DLG2: variants seen among roughly 807,000 people sequenced by gnomAD.
DLG2 encodes the protein disks large homolog 2.
In DLG2, 45 loss-of-function variants were observed where a neutral mutation model predicts 132.5. That is an observed-to-expected ratio of 0.34 (90% CI 0.27 to 0.44). DLG2 has a LOEUF of 0.44. Ranked by LOEUF, DLG2 falls within the 20% of genes least tolerant of loss-of-function variation. The pLI, the probability that DLG2 is intolerant of heterozygous loss-of-function variation, is 1.00. For synonymous variants in DLG2, 424 were observed against 419.6 expected (o/e 1.01, Z -0.13); for missense variants, 1,045 against 1,196.9 (o/e 0.87, Z 1.87).
intron 7 of DLG2, among the ~76,000 whole-genome samples, chr11:84,330,027 T>C (rs1428642067): frequency 6.6e-6 from 1 of 152,224 alleles, no homozygotes; most frequent in Admixed American, 6.5e-5. Flanking sequence ...TCTCATAGAA[T>C]TGTTGTGAAA....
chr11:84,758,248 G>GT (rs2067154915), intron 6 of DLG2, among the ~76,000 whole-genome samples: 1 of 152,206 alleles, frequency 6.6e-6, no homozygotes, highest in Non-Finnish European at 1.5e-5. Flanking sequence ...AAACAACCAT[G>GT]TAGAATTGTT....
intron 12 of DLG2, among the ~76,000 whole-genome samples, chr11:83,968,994 CATTT>C (rs1345912752): frequency 1.3e-5 from 2 of 152,074 alleles, no homozygotes; most frequent in African/African-American, 4.8e-5. Context: ...TAATAACTAA[CATTT>C]ATTTAATACT....
intron 9 of DLG2, among the ~76,000 whole-genome samples, chr11:84,153,624 G>T (rs1375969484): frequency 6.6e-6 from 1 of 152,070 alleles, no homozygotes; most frequent in Non-Finnish European, 1.5e-5. Flanking sequence ...CCTCAGCTTG[G>T]TCTATTACAT....
Position 84,781,503 on chromosome 11 carries a change from C to T in DLG2, c.358-246772G>A, listed in dbSNP as rs75385147. On this transcript the variant is annotated intron_variant, in intron 6 of 27. Coordinates refer to ENST00000376104, the MANE Select transcript of DLG2 (RefSeq NM_001142699.3). The stretch of plus-strand genomic sequence containing the variant: ...AGCATCAAGAATACTAAGAGGAAAA[C>T]GACCTAATACATGATAATAAAATAA... Among the ~76,000 whole-genome samples, 263 of 151,762 alleles carry T rather than the reference C, an allele frequency of 1.7e-3. 1 individual carries two copies. Among genetic ancestry groups the T allele is most frequent in the African/African-American group, 5.9e-3 (243 of 41,456 alleles).
At chr11:84,128,939 T>A (rs537828585) in intron 9 of DLG2, among the ~76,000 whole-genome samples, 1 of 152,276 alleles carries the variant, frequency 6.6e-6, no homozygotes, top group Admixed American at 6.5e-5. Flanking sequence ...AACTTCTAAG[T>A]TGTCAACTCG....
chr11:83,707,764 A>G (rs1484806070), intron 18 of DLG2, among the ~76,000 whole-genome samples: 1 of 152,198 alleles, frequency 6.6e-6, no homozygotes, highest in African/African-American at 2.4e-5. Flanking sequence ...CTCTCAGTGC[A>G]CTCACGGTTC....
chr11:83,720,168 C>T (rs950082893), intron 18 of DLG2, among the ~76,000 whole-genome samples: 3 of 151,266 alleles, frequency 2.0e-5, no homozygotes, highest in Non-Finnish European at 4.4e-5. Flanking sequence ...GTGGCTCGTG[C>T]CTGTAGTCCC....
chr11:84,592,586 T>C (rs1016399609), intron 6 of DLG2, among the ~76,000 whole-genome samples: 1 of 151,700 alleles, frequency 6.6e-6, no homozygotes, highest in African/African-American at 2.4e-5. Context: ...AGGGCTAATA[T>C]CCAGAATCTA....
intron 2 of DLG2, among the ~76,000 whole-genome samples, chr11:85,612,574 C>T (rs946094050): frequency 6.6e-6 from 1 of 152,156 alleles, no homozygotes; most frequent in Non-Finnish European, 1.5e-5. Context: ...TGAACGAGGT[C>T]TTACTAATAG....
intron 6 of DLG2, among the ~76,000 whole-genome samples, chr11:85,001,024 CAAT>C (rs1257464014): frequency 6.6e-6 from 1 of 152,062 alleles, no homozygotes; most frequent in Admixed American, 6.6e-5. Flanking sequence ...GCATTTTTAG[CAAT>C]AATTACCCTT....
chr11:85,124,268 T>A (rs1485397356), intron 5 of DLG2, among the ~76,000 whole-genome samples: 1 of 152,256 alleles, frequency 6.6e-6, no homozygotes, highest in East Asian at 1.9e-4. Flanking sequence ...TAAGTATTTA[T>A]GTGACCTGTG....
At chr11:84,495,669 G>C (rs1285989668) in intron 7 of DLG2, among the ~76,000 whole-genome samples, 3 of 152,066 alleles carry the variant, frequency 2.0e-5, no homozygotes, top group Non-Finnish European at 2.9e-5. Flanking sequence ...TCTCTTCTCT[G>C]TGCTTCCATA....
chr11:85,267,009 A>G (rs1374616357), intron 4 of DLG2, among the ~76,000 whole-genome samples: 2 of 152,216 alleles, frequency 1.3e-5, no homozygotes, highest in African/African-American at 2.4e-5. Context: ...TGCTCCCACA[A>G]AATTTTGCAT....
intron 6 of DLG2, among the ~76,000 whole-genome samples, chr11:84,823,080 T>G (rs1470803280): frequency 6.6e-6 from 1 of 151,910 alleles, no homozygotes; most frequent in African/African-American, 2.4e-5. Context: ...TTTTAGCATA[T>G]AGTGAGTGTT....
At chr11:83,822,572 G>C (rs2051132584) in intron 17 of DLG2, among the ~76,000 whole-genome samples, 1 of 152,132 alleles carries the variant, frequency 6.6e-6, no homozygotes, top group Non-Finnish European at 1.5e-5. Flanking sequence ...AGATGTTCCA[G>C]TTGGGAATTT....
chr11:83,736,452 A>G (rs2091908980), intron 18 of DLG2, among the ~76,000 whole-genome samples: 1 of 150,714 alleles, frequency 6.6e-6, no homozygotes, highest in African/African-American at 2.5e-5. Flanking sequence ...CAAAAAAAAA[A>G]GAGAAAGATA....
chr11:83,757,665 G>T (rs759586480), intron 18 of DLG2, among the ~76,000 whole-genome samples: 6 of 152,062 alleles, frequency 3.9e-5, no homozygotes, highest in Admixed American at 2.6e-4. Flanking sequence ...TTGATCTCAG[G>T]GTTGCTTAAA....
At chr11:83,893,076 T>C (rs1464265681) in intron 15 of DLG2, among the ~76,000 whole-genome samples, 2 of 152,204 alleles carry the variant, frequency 1.3e-5, no homozygotes, top group Non-Finnish European at 2.9e-5. Flanking sequence ...TCATACTCCA[T>C]ACCCAATCCA....
intron 6 of DLG2, among the ~76,000 whole-genome samples, chr11:84,968,478 A>T (rs1414605725): frequency 6.6e-6 from 1 of 152,136 alleles, no homozygotes; most frequent in Non-Finnish European, 1.5e-5. Flanking sequence ...GTCATTACGT[A>T]TCCCTTAGAG....
Sources: gnomAD v4.1 joint callset for allele counts (sites outside exome capture counted in the v4.1 genomes callset) on GRCh38, gnomAD v4.1.1 for gene constraint, MANE v1.5 for transcripts, NCBI Gene and HGNC (gene_info 2026-07-23, HGNC 2026-07-21) for gene names.